The following GRIK2 variants were observed in gnomAD, a reference collection of about 807,000 sequenced individuals.
GRIK2 encodes the protein glutamate ionotropic receptor kainate type subunit 2, also known as glutamate receptor ionotropic, kainate 2.
Under a neutral mutation model 100.3 loss-of-function variants are expected in GRIK2, and 32 were observed. The observed-to-expected ratio is 0.32, with a 90% CI of 0.24 to 0.43. The LOEUF (loss-of-function observed/expected upper bound fraction) is 0.43. GRIK2 is among the 20% of genes least tolerant of loss of function. The pLI, the probability that GRIK2 is intolerant of heterozygous loss-of-function variation, is 1.00. For missense variants in GRIK2, 843 were observed against 1,114.9 expected, an observed-to-expected ratio of 0.76 and a Z score of 3.47; for synonymous variants, 417 against 389.4, an observed-to-expected ratio of 1.07 and a Z score of -0.83.
chr6:101,625,095 C>T (rs1780367261), intron 3 of GRIK2, among the ~76,000 whole-genome samples: 1 of 149,180 alleles, frequency 6.7e-6, no homozygotes, highest in South Asian at 2.4e-4. Flanking sequence ...AAATAATAGC[C>T]GGGTGTGGTG....
intron 9 of GRIK2, among the ~76,000 whole-genome samples, chr6:101,804,419 A>G (rs567244181): frequency 2.8e-4 from 42 of 152,140 alleles, no homozygotes; most frequent in Middle Eastern, 6.8e-3. Context: ...GGAAGATAAT[A>G]TAGTTTAGAA....
In GRIK2 at chr6:101,431,214, A is replaced by G. The variant is rs1769371465; in HGVS notation, c.115+31822A>G. 3.2e-5 allele frequency: 6 copies of G among 188,812 alleles called. No individual in the cohort carries two copies. The South Asian group carries it at 6.9e-4, about 22-fold the overall frequency. 11.7% of individuals were successfully genotyped at this position (188,812 alleles called of 1,614,324 possible). A position where few individuals can be genotyped will look rare whatever the true frequency, so the allele number is the denominator to read the frequency against. On this transcript the variant is annotated intron_variant, in intron 2 of 16. Transcript: ENST00000369134. ...GAGGGTATGATGCCAGATCTTCTCC[A>G]TGTTGTACCAGTTGGAAATAATGCT... is the stretch of plus-strand genomic sequence containing the variant.
At chr6:101,769,069 A>G (rs1055758010) in intron 7 of GRIK2, among the ~76,000 whole-genome samples, 2 of 152,146 alleles carry the variant, frequency 1.3e-5, no homozygotes, top group Non-Finnish European at 2.9e-5. Flanking sequence ...ACTAAACTTC[A>G]TGCTTTTAAC....
intron 12 of GRIK2, among the ~76,000 whole-genome samples, chr6:101,891,258 C>T (rs747568823): frequency 1.3e-5 from 2 of 151,688 alleles, no homozygotes; most frequent in East Asian, 3.9e-4. Flanking sequence ...GTTGCTCACG[C>T]CTGTAATCCC....
chr6:101,727,905 T>C (rs762383680), intron 7 of GRIK2, among the ~76,000 whole-genome samples: 2 of 152,068 alleles, frequency 1.3e-5, no homozygotes, highest in African/African-American at 2.4e-5. Context: ...CGGTGGGAAC[T>C]GTACACAGGC....
chr6:101,982,816 G>A (rs1793797161), intron 14 of GRIK2, among the ~76,000 whole-genome samples: 1 of 151,684 alleles, frequency 6.6e-6, no homozygotes, highest in Non-Finnish European at 1.5e-5. Context: ...TTACCTTACA[G>A]GATGAATGGC....
At chr6:101,990,682 A>G (rs565299759) in intron 14 of GRIK2, among the ~76,000 whole-genome samples, 2 of 151,688 alleles carry the variant, frequency 1.3e-5, no homozygotes, top group East Asian at 3.9e-4. Context: ...GAGGATTTTG[A>G]GGGTGCTTCT....
chr6:101,437,944 G>A (rs1049384186), intron 2 of GRIK2, among the ~76,000 whole-genome samples: 1 of 152,064 alleles, frequency 6.6e-6, no homozygotes, highest in African/African-American at 2.4e-5. Context: ...AGGAAATAAA[G>A]GATGAAGCAG....
At chr6:101,447,498 C>T (rs1023613269) in intron 2 of GRIK2, among the ~76,000 whole-genome samples, 3 of 151,640 alleles carry the variant, frequency 2.0e-5, no homozygotes, top group Non-Finnish European at 3.0e-5. Flanking sequence ...AAATGGGAAG[C>T]TGTAATCAGC....
At chr6:101,521,893 G>T (rs189351563) in intron 2 of GRIK2, among the ~76,000 whole-genome samples, 9 of 151,980 alleles carry the variant, frequency 5.9e-5, no homozygotes, top group Admixed American at 5.9e-4. Context: ...CCAGAAAAAT[G>T]CATTGTTTGG....
intron 2 of GRIK2, among the ~76,000 whole-genome samples, chr6:101,412,788 A>G (rs1775943825): frequency 6.6e-6 from 1 of 151,990 alleles, no homozygotes; most frequent in South Asian, 2.1e-4. Flanking sequence ...ATTCATATAT[A>G]TTCATCTAAT....
chr6:101,631,444 G>T (rs139970557), intron 4 of GRIK2, among the ~76,000 whole-genome samples: 2 of 149,122 alleles, frequency 1.3e-5, no homozygotes, highest in African/African-American at 5.2e-5. Context: ...GAAAATACAA[G>T]AAGGGAATGG....
In GRIK2 at chr6:101,399,315, T is replaced by G. The variant is rs1464427679; in HGVS notation, c.38T>G (p.Phe13Cys). The G allele has an allele frequency of 2.5e-6, 4 of 1,592,896 alleles. No individual in the cohort carries two copies. Among genetic ancestry groups the G allele is most frequent in the Non-Finnish European group, 3.4e-6 (4 of 1,160,790 alleles). Reference protein sequence around the residue: ...IIFPILSNPVFRRTVKLLLCL... With the variant: ...IIFPILSNPVCRRTVKLLLCL... ...TTCCCGATTCTAAGTAATCCAGTCT[T>G]CAGGCGCACCGTTAAACTCCTGCTC... is the stretch of plus-strand genomic sequence containing the variant. Residue 13 changes from phenylalanine to cysteine, a missense_variant, in exon 2 of 17, where the codon TTC becomes TGC. Physicochemically the swap from Phe to Cys is radical, Grantham distance 205. Around this residue, in one of 3 missense-constraint regions of GRIK2, gnomAD observed 519 missense variants for 643.8 expected, o/e 0.81. Transcript: ENST00000369134.
At chr6:101,860,509 G>T (rs1413261290) in intron 11 of GRIK2, among the ~76,000 whole-genome samples, 2 of 152,120 alleles carry the variant, frequency 1.3e-5, no homozygotes, top group Non-Finnish European at 2.9e-5. Flanking sequence ...TGGTGTGAGG[G>T]TGGAGTTTTC....
intron 2 of GRIK2, among the ~76,000 whole-genome samples, chr6:101,613,384 G>A (rs1007055421): frequency 3.3e-5 from 5 of 151,588 alleles, no homozygotes; most frequent in African/African-American, 9.7e-5. Context: ...AAAGGCAGAA[G>A]GTAAAGAAAC....
At chr6:101,850,493 T>C (rs1037379986) in intron 10 of GRIK2, among the ~76,000 whole-genome samples, 63 of 152,180 alleles carry the variant, frequency 4.1e-4, no homozygotes, top group African/African-American at 1.4e-3. Flanking sequence ...GGTTAACATA[T>C]GAAAAAGATA....
chr6:101,412,199 T>G (rs1321337420), intron 2 of GRIK2, among the ~76,000 whole-genome samples: 3 of 152,088 alleles, frequency 2.0e-5, no homozygotes, highest in Non-Finnish European at 4.4e-5. Context: ...GGACACTACA[T>G]TTGGAATTAA....
Position 101,760,742 on chromosome 6 carries a change from T to A in GRIK2, c.952-38906T>A, listed in dbSNP as rs138322026. Among the ~76,000 whole-genome samples, 1,227 of 132,698 alleles carry A rather than the reference T, an allele frequency of 9.2e-3. 27 individuals are homozygous for A. Among genetic ancestry groups the A allele is most frequent in the Middle Eastern group, 0.036 (9 of 250 alleles). The allele number at this position is 132,698 out of a possible 152,430, so 87.1% of individuals were successfully genotyped here. A position where few individuals can be genotyped will look rare whatever the true frequency, so the allele number is the denominator to read the frequency against. On this transcript the variant is annotated intron_variant, in intron 7 of 16. Coordinates refer to ENST00000369134, the MANE Select transcript of GRIK2 (RefSeq NM_021956.5). ...TATATTTAATTATATAATTATATAT[T>A]TAATTATATATAATTATATATAAAT... is the stretch of plus-strand genomic sequence containing the variant.
At chr6:101,478,166 A>G (rs570853727) in intron 2 of GRIK2, among the ~76,000 whole-genome samples, 338 of 152,316 alleles carry the variant, frequency 2.2e-3, no homozygotes, top group Non-Finnish European at 3.5e-3. Context: ...GTTAATGAAT[A>G]CAATGTTTAA....
Sources: allele counts gnomAD v4.1 joint callset (sites outside exome capture counted in the v4.1 genomes callset), GRCh38; gene constraint gnomAD v4.1.1; regional missense constraint gnomAD v4.1.1; transcripts MANE v1.5; gene names NCBI Gene and HGNC (gene_info 2026-07-23, HGNC 2026-07-21).